The following PNMA5 variants were observed in gnomAD, a reference collection of about 807,000 sequenced individuals.
PNMA5 encodes the protein paraneoplastic antigen-like protein 5.
For missense variants in PNMA5, 334 were observed against 356.6 expected, an observed-to-expected ratio of 0.94 and a Z score of 0.51; for synonymous variants, 138 against 137.9, an observed-to-expected ratio of 1.00 and a Z score of 0.00.
rs1462867259 is a variant in PNMA5, at chrX:152,991,187, C to T, written c.412G>A (p.Val138Ile). 1.7e-6 allele frequency: 2 copies of T among 1,201,950 alleles called. No individual in the cohort carries two copies. The highest frequency in any genetic ancestry group is 2.2e-6 in the Non-Finnish European group (2 of 891,507). ...GGTGGGGATCTAACTTGGGGCATGA[C>T]CTCTGCATCCAGGCTCTCGGCAGGG... is the stretch of plus-strand genomic sequence containing the variant. ...SLPAESLDAE[V>I]MPQVRSPPLE... Residue 138 changes from valine to isoleucine, a missense_variant, in exon 4 of 4, where the codon GTC (valine) becomes ATC (isoleucine). Transcript: ENST00000535214.
chrX:152,990,967 A>G lies in PNMA5; in HGVS notation c.632T>C (p.Ile211Thr), dbSNP rs889571207. ...LESLRGPALS[I>T]MRVLQANNDS... ...ATTGTTGGCCTGGAGCACCCGCATG[A>G]TTGACAGAGCAGGCCCACGTAAGCT... Residue 211 changes from isoleucine (I) to threonine (T), a missense_variant, in exon 4 of 4, where the codon ATC (isoleucine) becomes ACC (threonine). By Grantham distance (89) the Ile-to-Thr change is moderately conservative. Coordinates refer to ENST00000535214, the MANE Select transcript of PNMA5 (RefSeq NM_001184924.2). 14 of 1,196,538 alleles carry G rather than the reference A, an allele frequency of 1.2e-5. No individual in the cohort carries two copies. The highest frequency in any genetic ancestry group is 1.3e-5 in the Non-Finnish European group (12 of 889,206).
At position 152,990,285 on chromosome X, in the gene PNMA5, C is replaced by T. The variant is rs1434270881; in HGVS notation, c.1314G>A (p.Gly438=). The change falls in exon 4 of 4, where the codon GGG becomes GGA. Residue 438 remains glycine, a synonymous_variant. Transcript: ENST00000535214. The stretch of plus-strand genomic sequence containing the variant: ...CCCAGGGCTTGGGATGGCTCATGGC[C>T]CCAGCCCCTGCCTCGTTTCCCAACT... The part of the protein sequence containing the change: ...GEELGNEAGA[G]AMSHPKPWET 1 of 1,125,993 alleles carries T rather than the reference C, an allele frequency of 8.9e-7. No individual in the cohort carries two copies. Among genetic ancestry groups the T allele is most frequent in the Non-Finnish European group, 1.2e-6 (1 of 858,468 alleles). 92.8% of individuals were successfully genotyped at this position (1,125,993 alleles called of 1,213,427 possible). A position where few individuals can be genotyped will look rare whatever the true frequency, so the allele number is the denominator to read the frequency against.
chrX:152,989,930 C>A lies in PNMA5; in HGVS notation c.*322G>T. 1 of 232,177 alleles carries A rather than the reference C, an allele frequency of 4.3e-6. No homozygotes were observed. Among genetic ancestry groups the A allele is most frequent in the Non-Finnish European group, 7.8e-6 (1 of 127,750 alleles). The allele number at this position is 232,177 out of a possible 1,213,427, so 19.1% of individuals were successfully genotyped here. On this transcript the variant is annotated 3_prime_UTR_variant, in exon 4 of 4. Coordinates refer to ENST00000535214, the MANE Select transcript of PNMA5 (RefSeq NM_001184924.2). ...TGTCCAGAGGACCAGGCCAGAGCCC[C>A]CAGCCACACCTTCTTCAGCCCCTGC...
Position 152,990,658 on chromosome X carries a change from C to T in PNMA5, c.941G>A (p.Cys314Tyr). 8.5e-7 allele frequency: 1 copy of T among 1,178,637 alleles called. No homozygotes were observed. The highest frequency in any genetic ancestry group is 1.1e-6 in the Non-Finnish European group (1 of 882,905). Reference protein sequence around the residue: ...GKLELLDQRGCPPNFLELMKL... With the variant: ...GKLELLDQRGYPPNFLELMKL... ...CATTAACTCCAGAAAATTGGGAGGA[C>T]ACCCTCGCTGATCCAAGAGCTCCAG... Residue 314 changes from cysteine to tyrosine, a missense_variant, in exon 4 of 4, where the codon TGT becomes TAT. Cys to Tyr is a radical substitution (Grantham distance 194, BLOSUM62 -2). Transcript: ENST00000535214.
chrX:152,991,449 C>T lies in PNMA5; in HGVS notation c.150G>A (p.Arg50=), dbSNP rs1556924578. Residue 50 remains arginine, a synonymous_variant, in exon 4 of 4, where the codon AGG becomes AGA. Coordinates refer to ENST00000535214, the MANE Select transcript of PNMA5 (RefSeq NM_001184924.2). ...KAGLQPLCAY[R]VLGRMFRRED... ...CCCTCCTGAACATTCTCCCTAGGAC[C>T]CTGTATGCGCACAGGGGCTGTAAGC... The T allele has an allele frequency of 2.5e-6, 3 of 1,205,155 alleles. No individual in the cohort carries two copies. Among genetic ancestry groups the T allele is most frequent in the Non-Finnish European group, 2.2e-6 (2 of 892,560 alleles).
chrX:152,991,367 G>A lies in PNMA5; in HGVS notation c.232C>T (p.Leu78=), dbSNP rs377260067. 53 of 1,201,141 alleles carry A rather than the reference G, an allele frequency of 4.4e-5. 1 individual carries two copies. The highest frequency in any genetic ancestry group is 5.8e-5 in the Non-Finnish European group (52 of 891,550). Residue 78 remains leucine (L), a synonymous_variant, in exon 4 of 4, where the codon CTG becomes TTG. Coordinates refer to ENST00000535214, the MANE Select transcript of PNMA5 (RefSeq NM_001184924.2). ...ELADTVNYTT[L]PSHIPGKGGS... is the part of the protein sequence containing the mutation. Reference sequence around the variant, plus strand: ...CCCTTTCCTGGTATGTGACTGGGCAGAGTAGTGTAATTGACAGTGTCAGCC... The same window carrying A: ...CCCTTTCCTGGTATGTGACTGGGCAAAGTAGTGTAATTGACAGTGTCAGCC...
chrX:152,991,809 G>A (rs1434152245), intron 3 of PNMA5, 88 bp from the exon 4 acceptor site: 2 of 419,344 alleles, frequency 4.8e-6, no homozygotes, highest in Non-Finnish European at 7.3e-6. Context: ...CCCCCAAGCA[G>A]GGATGGAGTC....
At position 152,990,638 on chromosome X, in the gene PNMA5, A is replaced by G. The variant is rs782631882; in HGVS notation, c.961T>C (p.Leu321=). ...QRGCPPNFLE[L]MKLIRDEEEW... Reference sequence around the variant, plus strand: ...TCTTCATCTCGAATGAGCTTCATTAACTCCAGAAAATTGGGAGGACACCCT... The same window carrying G: ...TCTTCATCTCGAATGAGCTTCATTAGCTCCAGAAAATTGGGAGGACACCCT... Residue 321 remains leucine, a synonymous_variant, in exon 4 of 4, where the codon TTA becomes CTA. Coordinates refer to ENST00000535214, the MANE Select transcript of PNMA5 (RefSeq NM_001184924.2). 8.5e-7 allele frequency: 1 copy of G among 1,169,599 alleles called. No individual in the cohort carries two copies. The highest frequency in any genetic ancestry group is 2.6e-5 in the Admixed American group (1 of 38,251).
intron 1 of PNMA5, 43 bp downstream of exon 1, chrX:152,993,990 C>T (rs1336473187): frequency 2.6e-5 from 3 of 113,331 alleles, no homozygotes; most frequent in East Asian, 2.8e-4. Context: ...GGGGTTCCCC[C>T]GTAATCTGGG....
chrX:152,990,045 T>C lies in PNMA5; in HGVS notation c.*207A>G. The stretch of plus-strand genomic sequence containing the variant: ...TGTCTCCTGTACCTGTTAGGGGCTA[T>C]GGGCCCGGCCCCCACTGAACCAGAT... On this transcript the variant is annotated 3_prime_UTR_variant, in exon 4 of 4. Transcript: ENST00000535214. 1.6e-6 allele frequency: 1 copy of C among 611,867 alleles called. No individual in the cohort carries two copies. Among genetic ancestry groups the C allele is most frequent in the Non-Finnish European group, 2.2e-6 (1 of 451,371 alleles). 50.4% of individuals were successfully genotyped at this position (611,867 alleles called of 1,213,427 possible).
chrX:152,991,758 C>T, intron 3 of PNMA5, 37 bp from the exon 4 acceptor site: 1 of 737,965 alleles, frequency 1.4e-6, no homozygotes, highest in Non-Finnish European at 1.8e-6. Context: ...TGTTAATGCC[C>T]ACCCCAACCT....
Position 152,991,755 on chromosome X carries a change from G to A in PNMA5, c.-123-34C>T, listed in dbSNP as rs906823481. 32 of 763,421 alleles carry A rather than the reference G, an allele frequency of 4.2e-5. No individual in the cohort carries two copies. In the Middle Eastern group the frequency reaches 1.4e-3, roughly 34 times the overall value. 62.9% of individuals were successfully genotyped at this position (763,421 alleles called of 1,213,427 possible). A position where few individuals can be genotyped will look rare whatever the true frequency, so the allele number is the denominator to read the frequency against. On this transcript the variant is annotated intron_variant, in intron 3 of 3. Coordinates refer to ENST00000535214, the MANE Select transcript of PNMA5 (RefSeq NM_001184924.2). ...CAAATGGGATGAGAGCATTGTTAAT[G>A]CCCACCCCAACCTACGCCCCCAAGC...
rs782541189 is a variant in PNMA5 at position 152,991,426 on chromosome X, C to T, written c.173G>A (p.Arg58Lys). 1 of 1,199,668 alleles carries T rather than the reference C, an allele frequency of 8.3e-7. No individual in the cohort carries two copies. The highest frequency in any genetic ancestry group is 1.8e-5 in the South Asian group (1 of 54,078). Reference sequence around the variant, plus strand: ...GAAGACTGCCTTGGCATTGTCTTCCCTCCTGAACATTCTCCCTAGGACCCT... The same window carrying T: ...GAAGACTGCCTTGGCATTGTCTTCCTTCCTGAACATTCTCCCTAGGACCCT... ...AYRVLGRMFR[R>K]EDNAKAVFIE... The change falls in exon 4 of 4, where the codon AGG becomes AAG. Residue 58 changes from arginine (R) to lysine (K), a missense_variant. Coordinates refer to ENST00000535214, the MANE Select transcript of PNMA5 (RefSeq NM_001184924.2).
Position 152,990,490 on chromosome X carries a change from T to C in PNMA5, c.1109A>G (p.Gln370Arg), listed in dbSNP as rs782185384. ...GCTGCTGTCGCTAAAAGACCTTGCCTGCACGGTGGCCTGAGGTGCAGAGAC... is the reference window on the plus strand; with the variant it reads ...GCTGCTGTCGCTAAAAGACCTTGCCCGCACGGTGGCCTGAGGTGCAGAGAC... The part of the protein sequence containing the change: ...ASVSAPQATV[Q>R]ARSFSDSSPQ... Residue 370 changes from glutamine to arginine, a missense_variant, in exon 4 of 4, where the codon CAG becomes CGG. Physicochemically the swap from Gln to Arg is conservative, Grantham distance 43. Transcript: ENST00000535214. The C allele has an allele frequency of 3.4e-6, 4 of 1,188,328 alleles. No homozygotes were observed. Among genetic ancestry groups the C allele is most frequent in the Non-Finnish European group, 4.5e-6 (4 of 885,775 alleles).
rs781884533 is a variant in PNMA5, at chrX:152,990,450, C to T, written c.1149G>A (p.Gln383=). 10 of 1,164,602 alleles carry T rather than the reference C, an allele frequency of 8.6e-6. No homozygotes were observed. In the East Asian group the frequency reaches 9.0e-5, roughly 10 times the overall value. ...SFSDSSPQTI[Q]GGLPPLVKRR... The stretch of plus-strand genomic sequence containing the variant: ...GTTTCACTAATGGGGGTAAGCCTCC[C>T]TGTATGGTCTGGGGGCTGCTGTCGC... Residue 383 remains glutamine, a synonymous_variant, in exon 4 of 4, where the codon CAG becomes CAA. Coordinates refer to ENST00000535214, the MANE Select transcript of PNMA5 (RefSeq NM_001184924.2).
At chrX:152,991,782 C>A in intron 3 of PNMA5, 61 bp from the exon 4 acceptor site, 1 of 555,393 alleles carries the variant, frequency 1.8e-6, no homozygotes, top group Non-Finnish European at 2.5e-6. Flanking sequence ...CCCCCAAGCA[C>A]CCCTCCTCTG....
chrX:152,990,271 G>C lies in PNMA5; in HGVS notation c.1328C>G (p.Pro443Arg). 2 of 1,106,018 alleles carry C rather than the reference G, an allele frequency of 1.8e-6. No individual in the cohort carries two copies. Among genetic ancestry groups the C allele is most frequent in the Non-Finnish European group, 2.4e-6 (2 of 846,484 alleles). 91.1% of individuals were successfully genotyped at this position (1,106,018 alleles called of 1,213,427 possible). Residue 443 changes from proline to arginine, a missense_variant, in exon 4 of 4, where the codon CCC (proline) becomes CGC (arginine). Physicochemically the swap from Pro to Arg is moderately radical, Grantham distance 103. Transcript: ENST00000535214. ...CTGAGCCTATGTTTCCCAGGGCTTG[G>C]GATGGCTCATGGCCCCAGCCCCTGC... ...NEAGAGAMSH[P>R]KPWET
chrX:152,990,311 C>T lies in PNMA5; in HGVS notation c.1288G>A (p.Glu430Lys), dbSNP rs781890499. ...GREGPQAAGEELGNEAGAGAM... is the reference protein window; with the variant it reads ...GREGPQAAGEKLGNEAGAGAM... ...CCAGCCCCTGCCTCGTTTCCCAACTCCTCTCCTGCAGCCTGTGGCCCCTCC... is the reference window on the plus strand; with the variant it reads ...CCAGCCCCTGCCTCGTTTCCCAACTTCTCTCCTGCAGCCTGTGGCCCCTCC... The change falls in exon 4 of 4, where the codon GAG becomes AAG. Residue 430 changes from glutamate (E) to lysine (K), a missense_variant. Coordinates refer to ENST00000535214, the MANE Select transcript of PNMA5 (RefSeq NM_001184924.2). The T allele has an allele frequency of 3.5e-6, 4 of 1,141,289 alleles. No individual in the cohort carries two copies. The highest frequency in any genetic ancestry group is 4.6e-6 in the Non-Finnish European group (4 of 866,891). 94.1% of individuals were successfully genotyped at this position (1,141,289 alleles called of 1,213,427 possible).
chrX:152,991,302 A>G lies in PNMA5; in HGVS notation c.297T>C (p.Asp99=), dbSNP rs1379596549. ...WEVVVKPRNP[D]DEFLSRLNYF... ...AGTTCAGTCTACTGAGAAACTCATC[A>G]TCTGGGTTACGGGGTTTTACCACCA... The change falls in exon 4 of 4, where the codon GAT becomes GAC. Residue 99 remains aspartate, a synonymous_variant. Coordinates refer to ENST00000535214, the MANE Select transcript of PNMA5 (RefSeq NM_001184924.2). 1 of 1,209,812 alleles carries G rather than the reference A, an allele frequency of 8.3e-7. No individual in the cohort carries two copies. Among genetic ancestry groups the G allele is most frequent in the Non-Finnish European group, 1.1e-6 (1 of 894,760 alleles).
Sources: gnomAD v4.1 joint callset for allele counts on GRCh38, gnomAD v4.1.1 for gene constraint, MANE v1.5 for transcripts, NCBI Gene and HGNC (gene_info 2026-07-23, HGNC 2026-07-21) for gene names.